ATP8A2: variants seen among roughly 807,000 people sequenced by gnomAD.
ATP8A2 encodes phospholipid-transporting ATPase IB.
Under a neutral mutation model 165.6 loss-of-function variants are expected in ATP8A2, and 100 were observed. That is an observed-to-expected ratio of 0.60 (90% confidence interval 0.51 to 0.71). The LOEUF is 0.71. Ranked by LOEUF, ATP8A2 falls within the 30% of genes least tolerant of loss-of-function variation. ATP8A2 has a pLI of 0.00. For missense variants in ATP8A2, 1,227 were observed against 1,479.5 expected (o/e 0.83, Z 2.80); for synonymous variants, 543 against 548.8 (o/e 0.99, Z 0.15).
At chr13:25,658,358 C>T (rs1269297822) in intron 24 of ATP8A2, among the ~76,000 whole-genome samples, 1 of 152,122 alleles carries the variant, frequency 6.6e-6, no homozygotes, top group East Asian at 1.9e-4. Context: ...TTAGCTTTGG[C>T]CAGGCACGGT....
chr13:25,389,869 C>T (rs925254356), intron 1 of ATP8A2, among the ~76,000 whole-genome samples: 1 of 152,184 alleles, frequency 6.6e-6, no homozygotes, highest in Non-Finnish European at 1.5e-5. Context: ...AAGAGATGCT[C>T]ACAAGGCATA....
intron 27 of ATP8A2, among the ~76,000 whole-genome samples, chr13:25,782,689 T>G (rs992736229): frequency 3.9e-5 from 6 of 152,240 alleles, no homozygotes; most frequent in African/African-American, 1.4e-4. Context: ...AAATACCTAA[T>G]GCATTGTAAA....
chr13:25,989,903 A>G (rs569983735), intron 35 of ATP8A2, among the ~76,000 whole-genome samples: 2 of 152,340 alleles, frequency 1.3e-5, no homozygotes, highest in South Asian at 2.1e-4. Context: ...TCTGCAAAGT[A>G]TCCACTGTTC....
chr13:25,442,363 A>G (rs928005118), intron 1 of ATP8A2, among the ~76,000 whole-genome samples: 13 of 152,108 alleles, frequency 8.5e-5, no homozygotes, highest in African/African-American at 3.1e-4. Flanking sequence ...ATTCCCACCA[A>G]CAGTGCTCAA....
rs1452438162 is a variant in ATP8A2, at chr13:25,978,533, GAGA to G, written c.3377+9860_3377+9862del. ...CTCCCTAAATTCTTACAAAGGCGTAGAGAAGAAGTGTAGACTCCCAGGCCCCCC... is the reference window on the plus strand; with the variant it reads ...CTCCCTAAATTCTTACAAAGGCGTAGAGAAGTGTAGACTCCCAGGCCCCCC... On this transcript the variant is annotated intron_variant, in intron 35 of 36. Transcript: ENST00000381655. Among the ~76,000 whole-genome samples, 5 of 152,186 alleles carry G rather than the reference GAGA, an allele frequency of 3.3e-5. No individual in the cohort carries two copies. In the East Asian group the frequency reaches 7.7e-4, roughly 23 times the overall value.
chr13:25,781,725 C>T (rs1239292585), intron 27 of ATP8A2, among the ~76,000 whole-genome samples: 2 of 152,140 alleles, frequency 1.3e-5, no homozygotes, highest in African/African-American at 2.4e-5. Context: ...CTCCTGACCT[C>T]AAGTGATCCA....
intron 22 of ATP8A2, 123 bp downstream of exon 22, chr13:25,580,070 C>A: frequency 1.8e-6 from 2 of 1,115,300 alleles, no homozygotes; most frequent in South Asian, 1.9e-5. Context: ...TCTTAATGAA[C>A]CGTTAGCTCT....
intron 16 of ATP8A2, among the ~76,000 whole-genome samples, chr13:25,569,328 A>G (rs2039401834): frequency 6.6e-6 from 1 of 152,208 alleles, no homozygotes; most frequent in South Asian, 2.1e-4. Context: ...ATTTGCTTCC[A>G]TAAAATTCTG....
At chr13:25,815,841 A>G (rs1951003875) in intron 27 of ATP8A2, among the ~76,000 whole-genome samples, 1 of 152,238 alleles carries the variant, frequency 6.6e-6, no homozygotes, top group South Asian at 2.1e-4. Flanking sequence ...ATACAATGGC[A>G]TATTATTTAG....
intron 28 of ATP8A2, among the ~76,000 whole-genome samples, chr13:25,832,472 C>A (rs986047555): frequency 1.3e-5 from 2 of 151,998 alleles, no homozygotes; most frequent in African/African-American, 2.4e-5. Context: ...AAAATATTGG[C>A]AAATGGAGTC....
intron 1 of ATP8A2, among the ~76,000 whole-genome samples, chr13:25,422,875 A>G (rs1465229900): frequency 6.6e-6 from 1 of 152,246 alleles, no homozygotes; most frequent in Non-Finnish European, 1.5e-5. Flanking sequence ...ATGTCCTTAC[A>G]AAAGTATTAT....
intron 2 of ATP8A2, among the ~76,000 whole-genome samples, chr13:25,483,531 G>T (rs1047433474): frequency 6.6e-6 from 1 of 152,184 alleles, no homozygotes; most frequent in African/African-American, 2.4e-5. Flanking sequence ...CCTACCTCTA[G>T]ATCTGTTTGG....
intron 24 of ATP8A2, among the ~76,000 whole-genome samples, chr13:25,626,631 T>C (rs1008720174): frequency 1.3e-5 from 2 of 152,068 alleles, no homozygotes; most frequent in African/African-American, 4.8e-5. Context: ...CATAAGTACA[T>C]TGAAAGATAA....
At chr13:25,998,613 A>G (rs1346698575) in intron 35 of ATP8A2, among the ~76,000 whole-genome samples, 1 of 152,148 alleles carries the variant, frequency 6.6e-6, no homozygotes, top group Non-Finnish European at 1.5e-5. Context: ...CTACTGGGAA[A>G]ACCTTGTCTG....
At chr13:25,860,173 T>C in intron 30 of ATP8A2, 22 bp from the exon 31 acceptor site, 2 of 1,580,094 alleles carry the variant, frequency 1.3e-6, no homozygotes, top group Non-Finnish European at 1.7e-6. Flanking sequence ...TGGATGTTAA[T>C]AGTAACTTCT....
At chr13:25,449,208 G>A (rs533883421) in intron 1 of ATP8A2, among the ~76,000 whole-genome samples, 425 of 152,124 alleles carry the variant, frequency 2.8e-3, no homozygotes, top group South Asian at 8.7e-3. Context: ...TAAAGAAAGC[G>A]TCTTTATTTT....
chr13:25,570,502 CG>C (rs2039435310), intron 16 of ATP8A2, among the ~76,000 whole-genome samples: 1 of 152,136 alleles, frequency 6.6e-6, no homozygotes, highest in African/African-American at 2.4e-5. Flanking sequence ...AAGGCTCTTT[CG>C]TCTTTTCTCT....
chr13:25,883,604 C>T (rs1380304076), intron 33 of ATP8A2, among the ~76,000 whole-genome samples: 2 of 152,230 alleles, frequency 1.3e-5, no homozygotes, highest in Non-Finnish European at 2.9e-5. Flanking sequence ...GTGCCTTGCA[C>T]TGGTCCTGTG....
intron 27 of ATP8A2, among the ~76,000 whole-genome samples, chr13:25,789,153 T>C (rs1339281039): frequency 6.6e-6 from 1 of 152,196 alleles, no homozygotes; most frequent in African/African-American, 2.4e-5. Flanking sequence ...ACTGTGTCAA[T>C]GCTTGGAAAT....
Sources: gnomAD v4.1 joint callset for allele counts (sites outside exome capture counted in the v4.1 genomes callset) on GRCh38, gnomAD v4.1.1 for gene constraint, MANE v1.5 for transcripts, NCBI Gene and HGNC (gene_info 2026-07-23, HGNC 2026-07-21) for gene names.